CHKA: variants seen among roughly 807,000 people sequenced by gnomAD.
CHKA encodes the protein CHETK-alpha.
In CHKA, 34 loss-of-function variants were observed where a neutral mutation model predicts 60.1. That is an observed-to-expected ratio of 0.57 (90% CI 0.43 to 0.75). The LOEUF is 0.75. Ranked by LOEUF, CHKA falls within the 30% of genes least tolerant of loss-of-function variation. The pLI, the probability that CHKA is intolerant of heterozygous loss-of-function variation, is 0.00. For synonymous variants in CHKA, 217 were observed against 223.1 expected, an observed-to-expected ratio of 0.97 and a Z score of 0.24; for missense variants, 563 against 561.3, an observed-to-expected ratio of 1.00 and a Z score of -0.03.
At chr11:68,119,315 T>C (rs904554453) in intron 1 of CHKA, among the ~76,000 whole-genome samples, 17 of 152,280 alleles carry the variant, frequency 1.1e-4, no homozygotes, top group Middle Eastern at 3.4e-3. Context: ...TTTGCTGCAT[T>C]AGCGGCTCTG....
chr11:68,115,504 G>A (rs2153032578), intron 1 of CHKA, among the ~76,000 whole-genome samples: 1 of 152,246 alleles, frequency 6.6e-6, no homozygotes, highest in Non-Finnish European at 1.5e-5. Flanking sequence ...GGGGTTATAT[G>A]GGAACTCTCT....
chr11:68,089,542 T>C (rs748991601), intron 2 of CHKA, among the ~76,000 whole-genome samples: 20 of 152,208 alleles, frequency 1.3e-4, no homozygotes, highest in Admixed American at 3.9e-4. Flanking sequence ...TTGAGGCCCA[T>C]AAATTTCTAA....
intron 1 of CHKA, among the ~76,000 whole-genome samples, chr11:68,100,358 G>C (rs1486092321): frequency 6.6e-6 from 1 of 152,114 alleles, no homozygotes; most frequent in African/African-American, 2.4e-5. Flanking sequence ...GGGAGGCTGA[G>C]GCGGGCAGAT....
intron 1 of CHKA, among the ~76,000 whole-genome samples, chr11:68,110,066 AACACCC>A (rs1858075644): frequency 1.3e-5 from 2 of 152,238 alleles, no homozygotes; most frequent in African/African-American, 4.8e-5. Flanking sequence ...GACAAAATCC[AACACCC>A]ACTCATGGTA....
At chr11:68,073,001 A>C (rs997824068) in intron 4 of CHKA, among the ~76,000 whole-genome samples, 2 of 152,192 alleles carry the variant, frequency 1.3e-5, no homozygotes, top group African/African-American at 4.8e-5. Flanking sequence ...ATCTCAAAAA[A>C]TTTAATATAT....
intron 2 of CHKA, among the ~76,000 whole-genome samples, chr11:68,095,918 T>A (rs1374264851): frequency 6.7e-6 from 1 of 148,318 alleles, no homozygotes; most frequent in Non-Finnish European, 1.5e-5. Flanking sequence ...GGCACACCCA[T>A]AATCCCAGCT....
chr11:68,069,204 C>T (rs1238244382), intron 6 of CHKA, among the ~76,000 whole-genome samples: 3 of 152,164 alleles, frequency 2.0e-5, no homozygotes, highest in Non-Finnish European at 4.4e-5. Flanking sequence ...TTGTATAGCA[C>T]CCCCTTAGAC....
At chr11:68,096,869 A>G (rs1565188978) in intron 2 of CHKA, 150 bp downstream of exon 2, 3 of 521,324 alleles carry the variant, frequency 5.8e-6, no homozygotes, top group Non-Finnish European at 1.0e-5. Context: ...CAAGCTGTGC[A>G]GCCCAATTAA....
intron 2 of CHKA, among the ~76,000 whole-genome samples, chr11:68,084,638 C>A (rs1264755901): frequency 6.6e-6 from 1 of 151,300 alleles, no homozygotes; most frequent in Non-Finnish European, 1.5e-5. Flanking sequence ...AATTTGAACA[C>A]TGGTTATTTA....
chr11:68,061,267 T>C (rs1435354948), intron 11 of CHKA, among the ~76,000 whole-genome samples: 1 of 151,824 alleles, frequency 6.6e-6, no homozygotes, highest in Non-Finnish European at 1.5e-5. Flanking sequence ...CCACCATGCA[T>C]GCTAATTTTG....
At chr11:68,107,491 A>G (rs941505855) in intron 1 of CHKA, among the ~76,000 whole-genome samples, 2 of 151,110 alleles carry the variant, frequency 1.3e-5, no homozygotes, top group Non-Finnish European at 2.9e-5. Context: ...CCTTTTTCCC[A>G]CTCACCCAGG....
intron 1 of CHKA, among the ~76,000 whole-genome samples, chr11:68,106,759 G>A (rs1397138554): frequency 1.3e-5 from 2 of 152,180 alleles, no homozygotes; most frequent in Non-Finnish European, 2.9e-5. Context: ...ATGTTTAAGA[G>A]GATGCCAGAA....
chr11:68,081,261 A>G (rs1390447393), intron 3 of CHKA, 143 bp downstream of exon 3: 3 of 628,634 alleles, frequency 4.8e-6, no homozygotes, highest in Non-Finnish European at 8.5e-6. Flanking sequence ...CTTCTGATAG[A>G]TATACCAAGA....
intron 1 of CHKA, among the ~76,000 whole-genome samples, chr11:68,108,882 C>G (rs1858021018): frequency 6.6e-6 from 1 of 152,148 alleles, no homozygotes; most frequent in Non-Finnish European, 1.5e-5. Flanking sequence ...TTAACTATAA[C>G]TAACAAATTG....
chr11:68,118,617 C>G (rs1858486097), intron 1 of CHKA, among the ~76,000 whole-genome samples: 1 of 152,212 alleles, frequency 6.6e-6, no homozygotes, highest in Admixed American at 6.5e-5. Flanking sequence ...ACATCACCCA[C>G]TTTCCCATGT....
intron 4 of CHKA, among the ~76,000 whole-genome samples, chr11:68,072,278 C>A (rs2134548181): frequency 6.6e-6 from 1 of 152,256 alleles, no homozygotes; most frequent in Admixed American, 6.5e-5. Flanking sequence ...GGCGTGGTGG[C>A]TCATGCCTGT....
chr11:68,070,228 A>G lies in CHKA; in HGVS notation c.830T>C (p.Leu277Ser). ...EESRIKKLHK[L>S]LSYNLPLELE... ...TTCCAAGGGCAGATTGTAACTGAGC[A>G]ATTTGTGGAGCTTTTTAATTCTGGA... The change falls in exon 6 of 12, where the codon TTG becomes TCG. Residue 277 changes from leucine to serine, a missense_variant. Physicochemically the swap from Leu to Ser is moderately radical, Grantham distance 145. Transcript: ENST00000265689. 6.2e-7 allele frequency: 1 copy of G among 1,614,158 alleles called. No homozygotes were observed. Among genetic ancestry groups the G allele is most frequent in the Non-Finnish European group, 8.5e-7 (1 of 1,179,964 alleles).
intron 1 of CHKA, among the ~76,000 whole-genome samples, chr11:68,098,271 C>CAAAAAAAAAAAAAAAAAAAAAAAAAA: frequency 8.3e-6 from 1 of 120,716 alleles, no homozygotes; most frequent in Non-Finnish European, 1.7e-5. Flanking sequence ...ACTCCTATCT[C>CAAAAAAAAAAAAAAAAAAAAAAAAAA]AAAAAAAAAA....
At chr11:68,087,165 G>C (rs3133327) in intron 2 of CHKA, among the ~76,000 whole-genome samples, 97,022 of 151,932 alleles carry the variant, frequency 0.64, 31,084 homozygotes, top group Middle Eastern at 0.75. Context: ...TTTAAGAAAC[G>C]AAATCATTAT....
Sources: allele counts gnomAD v4.1 joint callset (sites outside exome capture counted in the v4.1 genomes callset), GRCh38; gene constraint gnomAD v4.1.1; transcripts MANE v1.5; gene names NCBI Gene and HGNC (gene_info 2026-07-23, HGNC 2026-07-21).